The following PINX1 variants were observed in gnomAD, a reference collection of about 807,000 sequenced individuals.
The protein encoded by PINX1 is PIN2 (TERF1) interacting telomerase inhibitor 1.
A neutral mutation model predicts 25.4 loss-of-function variants in PINX1; 34 were observed. The ratio of observed to expected loss-of-function variants is 1.34; its 90% confidence interval spans 1.02 to 1.78. The LOEUF (loss-of-function observed/expected upper bound fraction) is 1.78. PINX1 is among the 40% of genes most tolerant of loss of function. The probability of loss-of-function intolerance (pLI) is 0.00; values close to 1 mark genes in which losing one functional copy is unlikely to be tolerated. For missense variants in PINX1, 592 were observed against 404.9 expected (o/e 1.46, Z -3.97); for synonymous variants, 197 against 147.7 (o/e 1.33, Z -2.42).
intron 6 of PINX1, among the ~76,000 whole-genome samples, chr8:10,768,439 C>A (rs1563199226): frequency 6.6e-6 from 1 of 152,172 alleles, no homozygotes; most frequent in South Asian, 2.1e-4. Context: ...TTGAATTCAG[C>A]GGGTCTTCGT....
At chr8:10,816,555 C>G (rs1797701988) in intron 6 of PINX1, among the ~76,000 whole-genome samples, 1 of 152,206 alleles carries the variant, frequency 6.6e-6, no homozygotes, top group Admixed American at 6.5e-5. Flanking sequence ...TGGTCACATG[C>G]TTGTCAACCC....
rs367844121 is a variant in PINX1 at position 10,786,952 on chromosome 8, G to GC, written c.472-21037dup. Among the ~76,000 whole-genome samples the GC allele has an allele frequency of 2.4e-3, 370 of 152,212 alleles. 3 individuals carry two copies. The highest frequency in any genetic ancestry group is 8.6e-3 in the African/African-American group (358 of 41,534). On this transcript the variant is annotated intron_variant, in intron 6 of 6. Transcript: ENST00000314787. The stretch of plus-strand genomic sequence containing the variant: ...TGAACATTTTTAAGACTCCCAAGTA[G>GC]CCCCCCGATCTCAGTGAATTATCTC...
chr8:10,826,406 T>C (rs1414444417), intron 4 of PINX1, among the ~76,000 whole-genome samples, 162 bp from the exon 5 acceptor site: 1 of 152,250 alleles, frequency 6.6e-6, no homozygotes, highest in Non-Finnish European at 1.5e-5. Context: ...GCTGGATCTC[T>C]GTTTTCTTTC....
chr8:10,778,471 C>G (rs1302309712), intron 6 of PINX1, among the ~76,000 whole-genome samples: 1 of 152,136 alleles, frequency 6.6e-6, no homozygotes, highest in Non-Finnish European at 1.5e-5. Context: ...TTCTCTGTCT[C>G]ATGTATCTCC....
intron 6 of PINX1, among the ~76,000 whole-genome samples, chr8:10,788,450 A>C (rs1801820693): frequency 1.3e-5 from 2 of 152,268 alleles, no homozygotes; most frequent in South Asian, 4.1e-4. Flanking sequence ...CTGCAATCCC[A>C]GCTGCTCAGG....
chr8:10,819,796 C>T (rs1167667311), intron 6 of PINX1, among the ~76,000 whole-genome samples: 2 of 152,182 alleles, frequency 1.3e-5, no homozygotes, highest in Admixed American at 1.3e-4. Flanking sequence ...ATGAAGGTGA[C>T]ATGCTTCCTC....
intron 6 of PINX1, among the ~76,000 whole-genome samples, chr8:10,804,340 C>T (rs528985027): frequency 3.3e-5 from 5 of 152,156 alleles, no homozygotes; most frequent in African/African-American, 7.2e-5. Flanking sequence ...TGAGCCAGAA[C>T]GTGCTCAGGG....
At chr8:10,796,464 GC>G (rs2129078363) in intron 6 of PINX1, among the ~76,000 whole-genome samples, 1 of 152,286 alleles carries the variant, frequency 6.6e-6, no homozygotes, top group South Asian at 2.1e-4. Context: ...CCAGAGAGCA[GC>G]TTGGGAAAGG....
chr8:10,780,179 T>C (rs1282801267), intron 6 of PINX1, among the ~76,000 whole-genome samples: 1 of 152,352 alleles, frequency 6.6e-6, no homozygotes, highest in African/African-American at 2.4e-5. Flanking sequence ...ATTTTAATTT[T>C]TCCTTTCCAA....
Position 10,823,288 on chromosome 8 carries a change from A to G in PINX1, c.394+2864T>C, listed in dbSNP as rs943158017. On this transcript the variant is annotated intron_variant, in intron 5 of 6. Coordinates refer to ENST00000314787, the MANE Select transcript of PINX1 (RefSeq NM_017884.6). Reference sequence around the variant, plus strand: ...GTTTCAGTAGCATATAAAATAGCCCAAACTCTCAAAAGGATTAAGAAGTCT... The same window carrying G: ...GTTTCAGTAGCATATAAAATAGCCCGAACTCTCAAAAGGATTAAGAAGTCT... Among the ~76,000 whole-genome samples the G allele has an allele frequency of 7.7e-5, 7 of 91,326 alleles. No individual in the cohort carries two copies. In the South Asian group the frequency reaches 2.1e-3, roughly 27 times the overall value. The allele number at this position is 91,326 out of a possible 152,430, so 59.9% of individuals were successfully genotyped here. A position where few individuals can be genotyped will look rare whatever the true frequency, so the allele number is the denominator to read the frequency against.
intron 2 of PINX1, chr8:10,834,248 G>A (rs903837537): frequency 3.2e-5 from 5 of 156,588 alleles, no homozygotes; most frequent in African/African-American, 1.3e-4. Context: ...GTATTTCAAG[G>A]AGAGAGTAGT....
rs763998867 is a variant in PINX1 at position 10,839,763 on chromosome 8, G to A, written c.-7C>T. On this transcript the variant is annotated 5_prime_UTR_variant, in exon 1 of 7. Transcript: ENST00000314787. Reference sequence around the variant, plus strand: ...GTTCAGCCAGCATAGACATGTCGGAGAGCCTGTGATACCGCCGCCTCTGGA... The same window carrying A: ...GTTCAGCCAGCATAGACATGTCGGAAAGCCTGTGATACCGCCGCCTCTGGA... 3 of 1,603,830 alleles carry A rather than the reference G, an allele frequency of 1.9e-6. No individual in the cohort carries two copies. In the East Asian group the frequency reaches 6.8e-5, roughly 36 times the overall value.
rs538942123 is a variant in PINX1 at position 10,776,406 on chromosome 8, C to G, written c.472-10490G>C. Among the ~76,000 whole-genome samples the G allele has an allele frequency of 9.3e-5, 14 of 151,012 alleles. No individual in the cohort carries two copies. The South Asian group carries it at 1.7e-3, about 18-fold the overall frequency. On this transcript the variant is annotated intron_variant, in intron 6 of 6. Transcript: ENST00000314787. Reference sequence around the variant, plus strand: ...TGCCACTGCACTCCGGCCTGGGTAACAGAGTGAGACTCCGCTCAATAAATA... The same window carrying G: ...TGCCACTGCACTCCGGCCTGGGTAAGAGAGTGAGACTCCGCTCAATAAATA...
chr8:10,828,777 C>G (rs1798132966), intron 4 of PINX1, among the ~76,000 whole-genome samples: 1 of 152,172 alleles, frequency 6.6e-6, no homozygotes, highest in African/African-American at 2.4e-5. Context: ...CGGGTATCCC[C>G]TCCCACTTTA....
intron 6 of PINX1, among the ~76,000 whole-genome samples, chr8:10,775,487 T>C (rs1478587819): frequency 1.2e-4 from 18 of 151,438 alleles, no homozygotes; most frequent in African/African-American, 4.4e-4. Context: ...GGCAAGATTT[T>C]TATAAAGTTA....
rs371609999 is a variant in PINX1 at position 10,791,366 on chromosome 8, A to G, written c.472-25450T>C. On this transcript the variant is annotated intron_variant, in intron 6 of 6. Transcript: ENST00000314787. ...CCGTCCCTCCTCGGTGGAAGCACAC[A>G]TCGCAAATGCTCAGTACACAGCATC... is the stretch of plus-strand genomic sequence containing the variant. Among the ~76,000 whole-genome samples the G allele has an allele frequency of 1.1e-4, 16 of 152,278 alleles. 1 individual carries two copies. Among genetic ancestry groups the G allele is most frequent in the African/African-American group, 3.1e-4 (13 of 41,556 alleles).
chr8:10,765,600 C>A lies in PINX1; in HGVS notation c.788G>T (p.Gly263Val), dbSNP rs1801008938. 6 of 1,613,588 alleles carry A rather than the reference C, an allele frequency of 3.7e-6. No individual in the cohort carries two copies. Among genetic ancestry groups the A allele is most frequent in the African/African-American group, 1.3e-5 (1 of 74,934 alleles). Residue 263 changes from glycine to valine, a missense_variant, in exon 7 of 7, where the codon GGC becomes GTC. Gly to Val is a moderately radical substitution (Grantham distance 109, BLOSUM62 -3). Coordinates refer to ENST00000314787, the MANE Select transcript of PINX1 (RefSeq NM_017884.6). ...CTTGGAACTCTGGTCCCAGCAGGGG[C>A]CTCTGAGCTGCTCTTCTGCTGGCGC... ...KSAPAEEQLR[G>V]PCWDQSSKAS...
intron 6 of PINX1, among the ~76,000 whole-genome samples, chr8:10,768,426 T>C (rs972515221): frequency 3.9e-5 from 6 of 152,232 alleles, no homozygotes; most frequent in African/African-American, 1.4e-4. Context: ...TTTGAGTCAC[T>C]TGTTGAATTC....
chr8:10,781,481 G>C (rs574189124), intron 6 of PINX1, among the ~76,000 whole-genome samples: 1 of 152,138 alleles, frequency 6.6e-6, no homozygotes, highest in South Asian at 2.1e-4. Flanking sequence ...AACTTAAAAA[G>C]AACTCAAGCA....
Sources: gnomAD v4.1 joint callset for allele counts (sites outside exome capture counted in the v4.1 genomes callset) on GRCh38, gnomAD v4.1.1 for gene constraint, MANE v1.5 for transcripts, NCBI Gene and HGNC (gene_info 2026-07-23, HGNC 2026-07-21) for gene names.